The following STXBP5L variants were observed in gnomAD, a reference collection of about 807,000 sequenced individuals.
STXBP5L encodes the protein syntaxin binding protein 5L.
In STXBP5L, 65 loss-of-function variants were observed where a neutral mutation model predicts 144.5. The ratio of observed to expected loss-of-function variants is 0.45; its 90% CI spans 0.37 to 0.55. The LOEUF is 0.55. Among genes scored for constraint, STXBP5L ranks in the 20% least tolerant of loss-of-function variants. The probability of loss-of-function intolerance (pLI) is 0.00; values close to 1 mark genes in which losing one functional copy is unlikely to be tolerated. For synonymous variants in STXBP5L, 505 were observed against 469.6 expected (o/e 1.08, Z -0.97); for missense variants, 1,298 against 1,405.5 (o/e 0.92, Z 1.22).
intron 22 of STXBP5L, among the ~76,000 whole-genome samples, chr3:121,381,752 T>C (rs1221742688): frequency 6.6e-6 from 1 of 152,122 alleles, no homozygotes; most frequent in Non-Finnish European, 1.5e-5. Context: ...GGTAGTAAAC[T>C]GTGTAAGTGC....
intron 10 of STXBP5L, among the ~76,000 whole-genome samples, chr3:121,217,357 G>A (rs188280574): frequency 2.6e-5 from 4 of 152,290 alleles, no homozygotes; most frequent in Non-Finnish European, 5.9e-5. Context: ...CGAAGACCAT[G>A]GGAAAAGCGT....
chr3:121,002,741 T>G (rs1943894889), intron 3 of STXBP5L, among the ~76,000 whole-genome samples: 1 of 148,672 alleles, frequency 6.7e-6, no homozygotes, highest in African/African-American at 2.5e-5. Flanking sequence ...GTGTGTGATG[T>G]TCCCCTTCCT....
intron 20 of STXBP5L, chr3:121,357,768 A>T (rs773015662): frequency 1.3e-5 from 2 of 152,192 alleles, no homozygotes; most frequent in Admixed American, 6.5e-5. Context: ...ACTTGATCTT[A>T]GTCTCCAAAC....
At chr3:121,089,900 T>C (rs1413769216) in intron 5 of STXBP5L, among the ~76,000 whole-genome samples, 1 of 152,116 alleles carries the variant, frequency 6.6e-6, no homozygotes, top group Non-Finnish European at 1.5e-5. Flanking sequence ...CATTATATTT[T>C]AAGTAGTAAA....
intron 5 of STXBP5L, among the ~76,000 whole-genome samples, chr3:121,082,385 G>GT (rs1346279475): frequency 2.0e-5 from 3 of 151,632 alleles, no homozygotes; most frequent in African/African-American, 7.3e-5. Flanking sequence ...TTTAAATTTT[G>GT]TTTGGCACAT....
intron 18 of STXBP5L, among the ~76,000 whole-genome samples, chr3:121,262,698 A>G (rs993355543): frequency 5.9e-5 from 9 of 152,214 alleles, no homozygotes; most frequent in African/African-American, 1.9e-4. Context: ...TTCTTCTCCA[A>G]CTGTTACCTT....
chr3:121,136,717 T>A (rs981319697), intron 7 of STXBP5L, among the ~76,000 whole-genome samples: 4 of 152,178 alleles, frequency 2.6e-5, no homozygotes, highest in African/African-American at 4.8e-5. Flanking sequence ...TCCAAGAGTG[T>A]CATTGCTGGA....
chr3:121,381,912 A>G (rs879316799), intron 22 of STXBP5L, among the ~76,000 whole-genome samples: 17 of 152,146 alleles, frequency 1.1e-4, no homozygotes, highest in Admixed American at 2.6e-4. Flanking sequence ...ATCCTTGAAG[A>G]ACTCAGAATA....
chr3:121,371,460 C>T lies in STXBP5L; in HGVS notation c.2177-7256C>T, dbSNP rs375905236. Among the ~76,000 whole-genome samples the T allele has an allele frequency of 2.6e-4, 40 of 152,326 alleles. No homozygotes were observed. The South Asian group carries it at 6.8e-3, about 26-fold the overall frequency. ...TGCCAACCATGGAGACAAAGCACTT[C>T]GTAGGGTGGTGGCAGCAGATTCTGT... On this transcript the variant is annotated intron_variant, in intron 20 of 26. Coordinates refer to ENST00000471454, the MANE Select transcript of STXBP5L (RefSeq NM_001308330.2).
intron 18 of STXBP5L, among the ~76,000 whole-genome samples, chr3:121,273,152 G>T (rs339006): frequency 0.76 from 115,488 of 151,950 alleles, 43,996 homozygotes; most frequent in East Asian, 0.93. Context: ...ACCCTTCCAT[G>T]TTAGCTTAAT....
chr3:121,193,320 CAAG>C (rs969250737), intron 9 of STXBP5L, among the ~76,000 whole-genome samples: 1 of 142,484 alleles, frequency 7.0e-6, no homozygotes, highest in African/African-American at 2.6e-5. Context: ...AGTCAGGAAA[CAAG>C]AGGTGCTGGA....
chr3:121,186,573 T>G (rs1421605145), intron 9 of STXBP5L, among the ~76,000 whole-genome samples: 1 of 152,218 alleles, frequency 6.6e-6, no homozygotes, highest in Non-Finnish European at 1.5e-5. Flanking sequence ...TGTCTTTGGT[T>G]CTGTTTATAT....
chr3:121,043,794 C>G (rs1018602848), intron 4 of STXBP5L, among the ~76,000 whole-genome samples: 3 of 152,176 alleles, frequency 2.0e-5, no homozygotes, highest in African/African-American at 7.2e-5. Context: ...TGAATATATG[C>G]TACTTTAATA....
intron 20 of STXBP5L, among the ~76,000 whole-genome samples, chr3:121,345,035 G>T (rs1407944497): frequency 1.3e-5 from 2 of 151,648 alleles, no homozygotes; most frequent in African/African-American, 4.8e-5. Context: ...TAAACTTTAA[G>T]TTCTAGGGTA....
intron 20 of STXBP5L, among the ~76,000 whole-genome samples, chr3:121,328,330 C>T (rs1019290725): frequency 1.3e-5 from 2 of 152,174 alleles, no homozygotes; most frequent in Non-Finnish European, 2.9e-5. Context: ...TTGTGAAGTA[C>T]AGACAATTGT....
At chr3:120,991,954 AGT>A (rs2107971867) in intron 3 of STXBP5L, among the ~76,000 whole-genome samples, 1 of 152,334 alleles carries the variant, frequency 6.6e-6, no homozygotes, top group South Asian at 2.1e-4. Flanking sequence ...TAAAACTTAA[AGT>A]ATAATAAAAA....
chr3:121,210,907 A>G (rs1254615589), intron 10 of STXBP5L, among the ~76,000 whole-genome samples: 2 of 152,122 alleles, frequency 1.3e-5, no homozygotes, highest in Non-Finnish European at 2.9e-5. Context: ...TTGTCTTGGC[A>G]ATACGGGACC....
At chr3:121,277,708 G>GT (rs2050927824) in intron 18 of STXBP5L, among the ~76,000 whole-genome samples, 1 of 150,878 alleles carries the variant, frequency 6.6e-6, no homozygotes, top group African/African-American at 2.4e-5. Flanking sequence ...TGAATTTTAC[G>GT]TTTTTGGTGG....
intron 19 of STXBP5L, among the ~76,000 whole-genome samples, chr3:121,302,551 T>C (rs1005840299): frequency 6.6e-6 from 1 of 152,224 alleles, no homozygotes; most frequent in Non-Finnish European, 1.5e-5. Flanking sequence ...CTTTCAGTTC[T>C]GCTCTGATCT....
Sources: allele counts gnomAD v4.1 joint callset (sites outside exome capture counted in the v4.1 genomes callset), GRCh38; gene constraint gnomAD v4.1.1; transcripts MANE v1.5; gene names NCBI Gene and HGNC (gene_info 2026-07-23, HGNC 2026-07-21).